The following DARS1 variants were observed in gnomAD, a reference collection of about 807,000 sequenced individuals.
DARS1 encodes aspartyl-tRNA synthetase 1.
In DARS1, 51 loss-of-function variants were observed where a neutral mutation model predicts 68.8. That is an observed-to-expected ratio of 0.74 (90% CI 0.59 to 0.94). The LOEUF (loss-of-function observed/expected upper bound fraction) is 0.94, where lower values mean the gene tolerates loss of function less well. DARS1 is among the 40% of genes least tolerant of loss of function. The pLI, the probability that DARS1 is intolerant of heterozygous loss-of-function variation, is 0.00. For missense variants in DARS1, 607 were observed against 597.3 expected, an observed-to-expected ratio of 1.02 and a Z score of -0.17; for synonymous variants, 203 against 190.4, an observed-to-expected ratio of 1.07 and a Z score of -0.55.
chr2:135,963,819 A>G (rs918247349), intron 3 of DARS1, among the ~76,000 whole-genome samples: 2 of 151,864 alleles, frequency 1.3e-5, no homozygotes, highest in African/African-American at 4.8e-5. Flanking sequence ...AGCTGGGACT[A>G]CAAGTGCCTA....
At chr2:135,909,731 T>C (rs309165) in intron 15 of DARS1, among the ~76,000 whole-genome samples, 39,154 of 152,128 alleles carry the variant, frequency 0.26, 5,991 homozygotes, top group Middle Eastern at 0.43. Flanking sequence ...TATGTTCATC[T>C]ACATTGCTAC....
At chr2:135,940,051 G>A (rs530907882) in intron 5 of DARS1, among the ~76,000 whole-genome samples, 1 of 152,212 alleles carries the variant, frequency 6.6e-6, no homozygotes, top group South Asian at 2.1e-4. Flanking sequence ...AGGACCAGAC[G>A]GATTCACAAC....
chr2:135,979,686 A>G (rs1682579318), intron 2 of DARS1, among the ~76,000 whole-genome samples: 1 of 152,198 alleles, frequency 6.6e-6, no homozygotes, highest in Admixed American at 6.5e-5. Flanking sequence ...GTCCCCTTCT[A>G]ATTCAGTCTC....
At chr2:135,940,445 G>A (rs961894608) in intron 5 of DARS1, among the ~76,000 whole-genome samples, 3 of 152,148 alleles carry the variant, frequency 2.0e-5, no homozygotes, top group African/African-American at 7.2e-5. Context: ...GAAGGCCTTT[G>A]ACAAAATTCA....
chr2:135,978,192 C>T (rs1682544762), intron 3 of DARS1, among the ~76,000 whole-genome samples: 1 of 147,010 alleles, frequency 6.8e-6, no homozygotes, highest in South Asian at 2.2e-4. Flanking sequence ...GAAAGAAATG[C>T]TATATATCAT....
At chr2:135,978,772 C>T (rs979055105) in intron 3 of DARS1, among the ~76,000 whole-genome samples, 7 of 152,222 alleles carry the variant, frequency 4.6e-5, no homozygotes, top group Non-Finnish European at 8.8e-5. Context: ...TCTTGAAATA[C>T]AGCTAGTGTG....
At chr2:135,944,001 T>A (rs79908186) in intron 4 of DARS1, among the ~76,000 whole-genome samples, 1 of 152,202 alleles carries the variant, frequency 6.6e-6, no homozygotes, top group Non-Finnish European at 1.5e-5. Context: ...TACTCCGTCA[T>A]CAGATTTATG....
At chr2:135,971,272 C>G (rs894282725) in intron 3 of DARS1, among the ~76,000 whole-genome samples, 1 of 152,082 alleles carries the variant, frequency 6.6e-6, no homozygotes, top group African/African-American at 2.4e-5. Context: ...CTCAGGGATG[C>G]AAGGAGGTTC....
chr2:135,945,810 G>C (rs182858831), intron 4 of DARS1, among the ~76,000 whole-genome samples: 67 of 152,304 alleles, frequency 4.4e-4, no homozygotes, highest in Admixed American at 9.8e-4. Flanking sequence ...TTGTTCTACT[G>C]AATCAACGGG....
chr2:135,960,157 A>G (rs1256764182), intron 4 of DARS1, among the ~76,000 whole-genome samples: 1 of 152,190 alleles, frequency 6.6e-6, no homozygotes, highest in Admixed American at 6.5e-5. Flanking sequence ...CCTAATTACC[A>G]GAAGACACAC....
chr2:135,959,525 A>G (rs1682056254), intron 4 of DARS1, among the ~76,000 whole-genome samples: 1 of 151,484 alleles, frequency 6.6e-6, no homozygotes, highest in South Asian at 2.1e-4. Context: ...TTAGTGAACT[A>G]AGTTCTGTTT....
chr2:135,943,596 T>C, intron 4 of DARS1, 116 bp from the exon 5 acceptor site: 1 of 1,455,724 alleles, frequency 6.9e-7, no homozygotes, highest in Non-Finnish European at 9.1e-7. Context: ...AGTAAGCCAC[T>C]TGAGATAAAG....
At chr2:135,913,833 A>G (rs992741542) in intron 12 of DARS1, among the ~76,000 whole-genome samples, 6 of 152,206 alleles carry the variant, frequency 3.9e-5, no homozygotes, top group African/African-American at 1.4e-4. Context: ...GAGGATGTTA[A>G]TAGCTGACAA....
intron 4 of DARS1, among the ~76,000 whole-genome samples, chr2:135,947,779 T>C (rs1449643446): frequency 2.0e-5 from 3 of 151,928 alleles, no homozygotes; most frequent in Admixed American, 2.0e-4. Flanking sequence ...TACATTTTCA[T>C]TCTTAGAAGC....
In DARS1 at chr2:135,942,062, T is replaced by G. The variant is rs944280065; in HGVS notation, c.423+1316A>C. Among the ~76,000 whole-genome samples, 6 of 152,144 alleles carry G rather than the reference T, an allele frequency of 3.9e-5. No homozygotes were observed. The East Asian group carries it at 5.8e-4, about 15-fold the overall frequency. ...CACTTTTACACTGTTGGTGGGACTGTAAACGAGTTCAACCATTGTGGAAGT... is the reference window on the plus strand; with the variant it reads ...CACTTTTACACTGTTGGTGGGACTGGAAACGAGTTCAACCATTGTGGAAGT... On this transcript the variant is annotated intron_variant, in intron 5 of 15. Coordinates refer to ENST00000264161, the MANE Select transcript of DARS1 (RefSeq NM_001349.4).
chr2:135,912,557 C>G lies in DARS1; in HGVS notation c.1159G>C (p.Asp387His), dbSNP rs761584213. Reference sequence around the variant, plus strand: ...GGATATTTATCAAGAATATAAAAATCTGTATCATACTATAAAAAGAATAAA... The same window carrying G: ...GGATATTTATCAAGAATATAAAAATGTGTATCATACTATAAAAAGAATAAA... The part of the protein sequence containing the change: ...GHLVKEKYDT[D>H]FYILDKYPLA... The change falls in exon 13 of 16, where the codon GAT becomes CAT. Residue 387 changes from aspartate (D) to histidine (H), a missense_variant. Coordinates refer to ENST00000264161, the MANE Select transcript of DARS1 (RefSeq NM_001349.4). 5 of 884,582 alleles carry G rather than the reference C, an allele frequency of 5.7e-6. No individual in the cohort carries two copies. Among genetic ancestry groups the G allele is most frequent in the Non-Finnish European group, 1.9e-6 (1 of 536,130 alleles). 54.8% of individuals were successfully genotyped at this position (884,582 alleles called of 1,614,324 possible). A position where few individuals can be genotyped will look rare whatever the true frequency, so the allele number is the denominator to read the frequency against.
intron 10 of DARS1, among the ~76,000 whole-genome samples, chr2:135,917,942 C>CG (rs1298918710): frequency 6.6e-6 from 1 of 151,708 alleles, no homozygotes; most frequent in Non-Finnish European, 1.5e-5. Context: ...TTTTTTTAGA[C>CG]GGAGTCTTGC....
At chr2:135,980,629 T>C (rs939922033) in intron 2 of DARS1, 4 of 152,190 alleles carry the variant, frequency 2.6e-5, no homozygotes, top group African/African-American at 9.7e-5. Flanking sequence ...TTAAGCCAAC[T>C]TCCAAGTCTG....
intron 3 of DARS1, 62 bp downstream of exon 3, chr2:135,979,212 T>C: frequency 1.2e-6 from 1 of 816,898 alleles, no homozygotes; most frequent in Non-Finnish European, 2.1e-6. Flanking sequence ...CTGTGAGGAA[T>C]ATGTAAGACA....
Sources: gnomAD v4.1 joint callset for allele counts (sites outside exome capture counted in the v4.1 genomes callset) on GRCh38, gnomAD v4.1.1 for gene constraint, MANE v1.5 for transcripts, NCBI Gene and HGNC (gene_info 2026-07-23, HGNC 2026-07-21) for gene names.